HIVEP3: variants seen among roughly 807,000 people sequenced by gnomAD.
The protein encoded by HIVEP3 is HIVEP zinc finger 3.
In HIVEP3, 49 loss-of-function variants were observed where a neutral mutation model predicts 152.8. That is an observed-to-expected ratio of 0.32 (90% CI 0.26 to 0.41). The LOEUF (loss-of-function observed/expected upper bound fraction) is 0.41. Among genes scored for constraint, HIVEP3 ranks in the 10% least tolerant of loss-of-function variants. The pLI is 1.00. For synonymous variants in HIVEP3, 1,269 were observed against 1,289.0 expected (o/e 0.98, Z 0.33); for missense variants, 2,790 against 3,103.3 (o/e 0.90, Z 2.40).
chr1:41,924,094 G>C (rs1442252929), intron 1 of HIVEP3, among the ~76,000 whole-genome samples: 3 of 152,130 alleles, frequency 2.0e-5, no homozygotes, highest in Non-Finnish European at 1.5e-5. Context: ...GATTATCCAG[G>C]AGGGCCCTAA....
chr1:41,565,771 G>A (rs1390873187), intron 5 of HIVEP3, among the ~76,000 whole-genome samples: 1 of 151,882 alleles, frequency 6.6e-6, no homozygotes, highest in East Asian at 1.9e-4. Context: ...GGGGCTGCCC[G>A]AGACCCCCCT....
Position 41,583,041 on chromosome 1 carries a change from A to G in HIVEP3, c.1757T>C (p.Met586Thr), listed in dbSNP as rs1644440749. The change falls in exon 4 of 9, where the codon ATG becomes ACG. Residue 586 changes from methionine (M) to threonine (T), a missense_variant. By Grantham distance (81) the Met-to-Thr change is moderately conservative. This residue lies in a region of HIVEP3 where 339 missense variants were observed against 327.0 expected (regional missense o/e 1.04). Coordinates refer to ENST00000372583, the MANE Select transcript of HIVEP3 (RefSeq NM_024503.5). The surrounding 1 kb of genome is among the most constrained non-coding windows in gnomAD (Gnocchi z 6.9). The stretch of plus-strand genomic sequence containing the variant: ...TTCGATTGCCGGCTGGCGCTTCAGC[A>G]TCCGGGGGTGGGAGGTAAACACGTG... Reference protein sequence around the residue: ...SSHVFTSHPRMLKRQPAIELP... With the variant: ...SSHVFTSHPRTLKRQPAIELP... 6.2e-7 allele frequency: 1 copy of G among 1,613,896 alleles called. No individual in the cohort carries two copies. Among genetic ancestry groups the G allele is most frequent in the Non-Finnish European group, 8.5e-7 (1 of 1,179,980 alleles).
At chr1:41,540,045 G>T (rs1643490149) in intron 5 of HIVEP3, among the ~76,000 whole-genome samples, 1 of 152,246 alleles carries the variant, frequency 6.6e-6, no homozygotes. Context: ...GCGTCTTACA[G>T]GTGGTGAAGG....
At chr1:41,577,456 T>A (rs1218103428) in intron 4 of HIVEP3, among the ~76,000 whole-genome samples, 1 of 152,174 alleles carries the variant, frequency 6.6e-6, no homozygotes, top group Non-Finnish European at 1.5e-5. Context: ...GAGTCCTTGT[T>A]CTTAATCACT....
At chr1:41,674,670 C>T (rs1056886687) in intron 2 of HIVEP3, among the ~76,000 whole-genome samples, 2 of 152,178 alleles carry the variant, frequency 1.3e-5, no homozygotes, top group Non-Finnish European at 2.9e-5. Context: ...CCCAGCCCCA[C>T]CCGGCTGCCG....
chr1:41,735,359 G>A (rs144185579), intron 1 of HIVEP3, among the ~76,000 whole-genome samples: 3 of 152,322 alleles, frequency 2.0e-5, no homozygotes, highest in African/African-American at 4.8e-5. Flanking sequence ...GACGATGAAG[G>A]TGACAGGGAT....
intron 1 of HIVEP3, among the ~76,000 whole-genome samples, chr1:41,974,486 TACACACACACAC>T (rs66882363): frequency 3.0e-5 from 4 of 134,284 alleles, no homozygotes; most frequent in South Asian, 2.5e-4. Flanking sequence ...CTCCACCCCC[TACACACACACAC>T]ACACACACAC....
intron 1 of HIVEP3, among the ~76,000 whole-genome samples, chr1:41,820,675 C>T (rs900296069): frequency 5.9e-5 from 9 of 152,172 alleles, no homozygotes; most frequent in Non-Finnish European, 1.2e-4. Flanking sequence ...TTTCTACTGT[C>T]TTTTAGGTAA....
At chr1:41,598,806 G>GTTATTTATTTATTTATTTATTTAT (rs10655770) in intron 3 of HIVEP3, among the ~76,000 whole-genome samples, 1 of 147,016 alleles carries the variant, frequency 6.8e-6, no homozygotes, top group African/African-American at 2.5e-5. Flanking sequence ...GTCACATGAT[G>GTTATTTATTTATTTATTTATTTAT]TTATTTATTT....
intron 1 of HIVEP3, among the ~76,000 whole-genome samples, chr1:41,813,506 A>G (rs1330027213): frequency 2.6e-5 from 4 of 152,162 alleles, no homozygotes; most frequent in Admixed American, 1.3e-4. Flanking sequence ...CCGCCTTGCA[A>G]TTGTCCATCC....
chr1:41,715,509 C>T (rs1570381371), intron 1 of HIVEP3, among the ~76,000 whole-genome samples: 1 of 152,190 alleles, frequency 6.6e-6, no homozygotes, highest in African/African-American at 2.4e-5. Flanking sequence ...GTGATGGCAG[C>T]ACCCATGGGA....
At chr1:41,809,599 T>G (rs1205849536) in intron 1 of HIVEP3, among the ~76,000 whole-genome samples, 2 of 152,268 alleles carry the variant, frequency 1.3e-5, no homozygotes, top group African/African-American at 4.8e-5. Flanking sequence ...ATGAATTTAT[T>G]TATGCTTTAC....
chr1:41,768,916 G>A (rs1162813445), intron 1 of HIVEP3, among the ~76,000 whole-genome samples: 2 of 152,206 alleles, frequency 1.3e-5, no homozygotes, highest in African/African-American at 2.4e-5. Flanking sequence ...ACCTCAGGCC[G>A]CATCCGGCAG....
At chr1:41,569,320 A>T (rs1644217968) in intron 5 of HIVEP3, among the ~76,000 whole-genome samples, 1 of 152,180 alleles carries the variant, frequency 6.6e-6, no homozygotes, top group African/African-American at 2.4e-5. Flanking sequence ...TATGTTATAC[A>T]TTTCCCAACC....
chr1:41,562,592 TTCC>T (rs1644086682), intron 5 of HIVEP3, among the ~76,000 whole-genome samples: 1 of 66,576 alleles, frequency 1.5e-5, no homozygotes, highest in Non-Finnish European at 4.2e-5. Flanking sequence ...CCTTCCTTCC[TTCC>T]TTTCTTTCTC....
chr1:41,823,909 T>A (rs1382133692), intron 1 of HIVEP3, among the ~76,000 whole-genome samples: 3 of 152,188 alleles, frequency 2.0e-5, no homozygotes, highest in Non-Finnish European at 4.4e-5. Flanking sequence ...CCAAATATTT[T>A]AAAAATCCAT....
chr1:41,599,289 A>G (rs541847735), intron 3 of HIVEP3, among the ~76,000 whole-genome samples: 1 of 152,342 alleles, frequency 6.6e-6, no homozygotes, highest in African/African-American at 2.4e-5. Context: ...CTGAATACAA[A>G]AGATTAAACA....
chr1:42,023,095 C>A (rs1046026229), intron 1 of HIVEP3, among the ~76,000 whole-genome samples: 19 of 152,262 alleles, frequency 1.2e-4, no homozygotes, highest in African/African-American at 4.1e-4. Context: ...CAACCTCCAC[C>A]TCCCGGGTTC....
chr1:41,863,865 G>T (rs953912993), intron 1 of HIVEP3, among the ~76,000 whole-genome samples: 1 of 152,192 alleles, frequency 6.6e-6, no homozygotes, highest in Non-Finnish European at 1.5e-5. Context: ...TAAAATTTAC[G>T]ATTGTGAGAG....
Sources: gnomAD v4.1 joint callset for allele counts (sites outside exome capture counted in the v4.1 genomes callset) on GRCh38, gnomAD v4.1.1 for gene constraint, gnomAD v4.1.1 regional missense constraint, Gnocchi (gnomAD v3.1) non-coding constraint, MANE v1.5 for transcripts, NCBI Gene and HGNC (gene_info 2026-07-23, HGNC 2026-07-21) for gene names.